Variants in SPAG16 observed in about 807,000 individuals in gnomAD.
SPAG16 encodes sperm-associated antigen 16 protein.
A neutral mutation model predicts 80.4 loss-of-function variants in SPAG16; 86 were observed. The ratio of observed to expected loss-of-function variants is 1.07; its 90% confidence interval spans 0.90 to 1.28. The LOEUF (loss-of-function observed/expected upper bound fraction) is 1.28. Among genes scored for constraint, SPAG16 ranks in the 50% most tolerant of loss-of-function variants. The probability of loss-of-function intolerance (pLI) is 0.00; values close to 1 mark genes in which losing one functional copy is unlikely to be tolerated. For missense variants in SPAG16, 870 were observed against 765.3 expected (o/e 1.14, Z -1.61); for synonymous variants, 294 against 265.9 (o/e 1.11, Z -1.03).
chr2:214,153,425 A>T (rs2056072759), intron 15 of SPAG16, among the ~76,000 whole-genome samples: 1 of 152,206 alleles, frequency 6.6e-6, no homozygotes, highest in Admixed American at 6.5e-5. Flanking sequence ...ATATAATCAT[A>T]TCTAAGATCT....
intron 10 of SPAG16, among the ~76,000 whole-genome samples, chr2:213,636,679 T>C (rs890565687): frequency 6.6e-6 from 1 of 152,214 alleles, no homozygotes; most frequent in South Asian, 2.1e-4. Flanking sequence ...CCTCCTTGGT[T>C]AGGTGGATTC....
intron 6 of SPAG16, among the ~76,000 whole-genome samples, chr2:213,345,956 A>G (rs1296309079): frequency 1.3e-5 from 2 of 152,300 alleles, no homozygotes; most frequent in Non-Finnish European, 2.9e-5. Flanking sequence ...CATTGAATCT[A>G]TAAATTACCT....
At chr2:213,823,048 G>A (rs1186799907) in intron 10 of SPAG16, among the ~76,000 whole-genome samples, 1 of 152,138 alleles carries the variant, frequency 6.6e-6, no homozygotes, top group African/African-American at 2.4e-5. Context: ...GTGTGCATGT[G>A]TCTTATAGTA....
chr2:213,409,230 A>G (rs1235080822), intron 9 of SPAG16, among the ~76,000 whole-genome samples: 8 of 152,118 alleles, frequency 5.3e-5, no homozygotes, highest in African/African-American at 1.7e-4. Flanking sequence ...TATGCAAGAA[A>G]TGTTGTATAA....
chr2:213,505,638 T>C (rs1045933619), intron 10 of SPAG16, among the ~76,000 whole-genome samples: 20 of 152,308 alleles, frequency 1.3e-4, no homozygotes, highest in Non-Finnish European at 2.5e-4. Flanking sequence ...TGATGTTTAA[T>C]TGGGTGTTTT....
chr2:214,204,794 A>G (rs948442071), intron 15 of SPAG16, among the ~76,000 whole-genome samples: 2 of 152,202 alleles, frequency 1.3e-5, no homozygotes, highest in African/African-American at 4.8e-5. Context: ...TCCCCAAAAG[A>G]TCACACCAGC....
intron 10 of SPAG16, among the ~76,000 whole-genome samples, chr2:213,805,430 C>A (rs907422573): frequency 6.6e-6 from 1 of 152,186 alleles, no homozygotes; most frequent in African/African-American, 2.4e-5. Context: ...TGGCAACTGT[C>A]TTCAAATAGT....
chr2:213,864,602 AT>A (rs1365289920), intron 11 of SPAG16, among the ~76,000 whole-genome samples: 3 of 151,666 alleles, frequency 2.0e-5, no homozygotes, highest in Non-Finnish European at 4.4e-5. Flanking sequence ...ACTTTTTCTT[AT>A]TTTTTTCTTT....
intron 15 of SPAG16, among the ~76,000 whole-genome samples, chr2:214,193,029 A>T (rs1363229709): frequency 2.6e-5 from 4 of 151,870 alleles, no homozygotes; most frequent in Non-Finnish European, 1.5e-5. Context: ...TCCTACAAGG[A>T]CCTCTGCTAC....
chr2:213,519,583 C>G (rs2075580188), intron 10 of SPAG16, among the ~76,000 whole-genome samples: 1 of 152,152 alleles, frequency 6.6e-6, no homozygotes, highest in South Asian at 2.1e-4. Flanking sequence ...AACTGTAAGT[C>G]AAATTAAAGC....
chr2:213,714,380 A>G (rs1302328261), intron 10 of SPAG16, among the ~76,000 whole-genome samples: 2 of 152,186 alleles, frequency 1.3e-5, no homozygotes, highest in East Asian at 3.8e-4. Flanking sequence ...TCCAGTCAAG[A>G]AAGAACTTAG....
intron 15 of SPAG16, among the ~76,000 whole-genome samples, chr2:214,276,945 G>GT (rs201923185): frequency 5.7e-4 from 86 of 150,754 alleles, no homozygotes; most frequent in Middle Eastern, 3.4e-3. Context: ...ACATAGATTT[G>GT]TTTTTTTTCA....
At chr2:213,643,069 A>G (rs112466833) in intron 10 of SPAG16, among the ~76,000 whole-genome samples, 8,952 of 147,734 alleles carry the variant, frequency 0.061, 874 homozygotes, top group African/African-American at 0.21. Context: ...GTGTGTGTAT[A>G]TATATATATA....
rs73987183 is a variant in SPAG16, at chr2:214,126,978, G to A, written c.1593+18717G>A. Among the ~76,000 whole-genome samples, 1,368 of 151,892 alleles carry A rather than the reference G, an allele frequency of 9.0e-3. 31 individuals carry two copies. Among genetic ancestry groups the A allele is most frequent in the African/African-American group, 0.031 (1,291 of 41,540 alleles). ...ATTTTTTGTAGTAAGTTCTCTGTAA[G>A]TGTTTGTGAAACTGAATTCAGTAGA... On this transcript the variant is annotated intron_variant, in intron 14 of 15. Transcript: ENST00000331683.
chr2:213,656,956 T>C (rs998981006), intron 10 of SPAG16, among the ~76,000 whole-genome samples: 6 of 152,230 alleles, frequency 3.9e-5, no homozygotes, highest in African/African-American at 1.4e-4. Flanking sequence ...ACCTTTTCTA[T>C]GCCTGTCTGA....
intron 10 of SPAG16, among the ~76,000 whole-genome samples, chr2:213,854,401 T>G (rs979707934): frequency 3.9e-5 from 6 of 152,318 alleles, no homozygotes; most frequent in Admixed American, 3.3e-4. Context: ...ACTTTACATA[T>G]ATCAACTTAT....
At chr2:213,890,833 T>A in intron 11 of SPAG16, among the ~76,000 whole-genome samples, 1 of 152,098 alleles carries the variant, frequency 6.6e-6, no homozygotes, top group Middle Eastern at 3.4e-3. Context: ...TTAGTTAAAT[T>A]TTGATGTGTT....
At chr2:213,839,406 T>A (rs556549413) in intron 10 of SPAG16, among the ~76,000 whole-genome samples, 39 of 152,334 alleles carry the variant, frequency 2.6e-4, no homozygotes, top group Middle Eastern at 3.4e-3. Context: ...TTTTTCCATC[T>A]CTTCCAAAAA....
chr2:213,913,476 ATGTGTGTGTGTGTCTGTGTGTCTG>A (rs1172336665), intron 11 of SPAG16, among the ~76,000 whole-genome samples: 1 of 148,026 alleles, frequency 6.8e-6, no homozygotes, highest in Non-Finnish European at 1.5e-5. Context: ...TAGAACGAAT[ATGTGTGTGTGTGTCTGTGTGTCTG>A]TGTGTGTGTG....
Sources: allele counts gnomAD v4.1 joint callset (sites outside exome capture counted in the v4.1 genomes callset), GRCh38; gene constraint gnomAD v4.1.1; transcripts MANE v1.5; gene names NCBI Gene and HGNC (gene_info 2026-07-23, HGNC 2026-07-21).